BAZ2B: variants seen among roughly 807,000 people sequenced by gnomAD.
BAZ2B encodes the protein bromodomain adjacent to zinc finger domain 2B.
In BAZ2B, 91 loss-of-function variants were observed where a neutral mutation model predicts 246.0. That is an observed-to-expected ratio of 0.37 (90% CI 0.31 to 0.44). The LOEUF is 0.44. BAZ2B is among the 20% of genes least tolerant of loss of function. BAZ2B has a pLI of 1.00. For synonymous variants in BAZ2B, 855 were observed against 860.0 expected, an observed-to-expected ratio of 0.99 and a Z score of 0.10; for missense variants, 2,332 against 2,533.7, an observed-to-expected ratio of 0.92 and a Z score of 1.71.
chr2:159,389,088 T>C (rs1461805923), intron 21 of BAZ2B, among the ~76,000 whole-genome samples: 1 of 138,538 alleles, frequency 7.2e-6, no homozygotes, highest in Non-Finnish European at 1.6e-5. Flanking sequence ...AGACCCTGTC[T>C]GAAAACAACC....
At chr2:159,566,169 G>A (rs1439687550) in intron 1 of BAZ2B, among the ~76,000 whole-genome samples, 3 of 152,010 alleles carry the variant, frequency 2.0e-5, no homozygotes, top group Non-Finnish European at 4.4e-5. Flanking sequence ...GCACCACCAC[G>A]TCTGGCTAAT....
chr2:159,489,965 A>G (rs2080258772), intron 2 of BAZ2B, among the ~76,000 whole-genome samples: 2 of 152,202 alleles, frequency 1.3e-5, no homozygotes, highest in Non-Finnish European at 2.9e-5. Context: ...ACAATTTTCA[A>G]CTATACAGCT....
the BAZ2B span, among the ~76,000 whole-genome samples, chr2:159,678,450 C>T: frequency 6.6e-6 from 1 of 152,130 alleles, no homozygotes; most frequent in Non-Finnish European, 1.5e-5. Flanking sequence ...TTTATTCTAA[C>T]ACCCAGAATT....
intron 1 of BAZ2B, among the ~76,000 whole-genome samples, chr2:159,614,547 C>T (rs1421114827): frequency 1.3e-5 from 2 of 151,476 alleles, no homozygotes; most frequent in South Asian, 4.2e-4. Flanking sequence ...AGCTAATTTT[C>T]AAAAAATCCA....
the BAZ2B span, among the ~76,000 whole-genome samples, chr2:159,645,332 T>C: frequency 6.6e-6 from 1 of 151,926 alleles, no homozygotes; most frequent in South Asian, 2.1e-4. Flanking sequence ...TTGCTTAAAA[T>C]AGTGGTCCCT....
At chr2:159,674,645 G>C in the BAZ2B span, among the ~76,000 whole-genome samples, 1 of 151,616 alleles carries the variant, frequency 6.6e-6, no homozygotes, top group Admixed American at 6.6e-5. Flanking sequence ...GAACCTGGGA[G>C]GCAGAGGTTG....
chr2:159,647,934 AT>A, the BAZ2B span, among the ~76,000 whole-genome samples: 1 of 152,166 alleles, frequency 6.6e-6, no homozygotes, highest in Non-Finnish European at 1.5e-5. Flanking sequence ...GCTGACTGAA[AT>A]TTTTGCATAC....
At chr2:159,346,020 A>C (rs896294179) in intron 31 of BAZ2B, among the ~76,000 whole-genome samples, 6 of 152,354 alleles carry the variant, frequency 3.9e-5, no homozygotes, top group Admixed American at 1.3e-4. Flanking sequence ...TAAATGGAAT[A>C]ATTTTCATTT....
At chr2:159,442,474 T>G (rs1259058959) in intron 6 of BAZ2B, among the ~76,000 whole-genome samples, 1 of 152,218 alleles carries the variant, frequency 6.6e-6, no homozygotes, top group Non-Finnish European at 1.5e-5. Context: ...AGTGATGACA[T>G]TTGATGTATA....
intron 7 of BAZ2B, 139 bp from the exon 8 acceptor site, chr2:159,438,834 G>A (rs1186342716): frequency 1.7e-5 from 22 of 1,266,162 alleles, no homozygotes; most frequent in Admixed American, 9.9e-5. Context: ...CTAAAAATTC[G>A]TAAAAGAAAT....
At chr2:159,670,223 G>A in the BAZ2B span, among the ~76,000 whole-genome samples, 8 of 151,964 alleles carry the variant, frequency 5.3e-5, no homozygotes, top group African/African-American at 7.2e-5. Flanking sequence ...CACCTGCCTC[G>A]GCCTTCCCAA....
At chr2:159,511,488 G>T (rs557625507) in intron 2 of BAZ2B, among the ~76,000 whole-genome samples, 1 of 152,290 alleles carries the variant, frequency 6.6e-6, no homozygotes, top group South Asian at 2.1e-4. Flanking sequence ...CTACAGGCGT[G>T]AGGTGTCGCG....
rs370760889 is a variant in BAZ2B at position 159,428,341 on chromosome 2, C to T, written c.2334G>A (p.Lys778=). 22 of 1,612,898 alleles carry T rather than the reference C, an allele frequency of 1.4e-5. No homozygotes were observed. The highest frequency in any genetic ancestry group is 1.6e-4 in the Middle Eastern group (1 of 6,080). The change falls in exon 12 of 37, where the codon AAG becomes AAA. Residue 778 remains lysine, a synonymous_variant. Transcript: ENST00000392783. The stretch of plus-strand genomic sequence containing the variant: ...TTACTTCAGGGTACTGCCTAAGTTT[C>T]TTTCCACATGGAGCATAATATGCTA... The part of the protein sequence containing the change: ...GEVAYYAPCG[K]KLRQYPEVIK...
At chr2:159,392,739 T>G (rs1030623445) in intron 20 of BAZ2B, among the ~76,000 whole-genome samples, 2 of 152,176 alleles carry the variant, frequency 1.3e-5, no homozygotes, top group Admixed American at 1.3e-4. Flanking sequence ...TAAAAATTAT[T>G]TGAGCATTTA....
intron 1 of BAZ2B, among the ~76,000 whole-genome samples, chr2:159,581,926 G>C (rs1023227371): frequency 9.2e-6 from 1 of 108,906 alleles, no homozygotes; most frequent in Non-Finnish European, 1.7e-5. Context: ...CTGTCGGGTG[G>C]GGGGAGGGGG....
At chr2:159,480,631 A>T (rs902224845) in intron 2 of BAZ2B, among the ~76,000 whole-genome samples, 1 of 152,070 alleles carries the variant, frequency 6.6e-6, no homozygotes, top group Non-Finnish European at 1.5e-5. Context: ...GTAAAGTGAT[A>T]TATACAACGT....
chr2:159,507,299 T>C (rs2151154888), intron 2 of BAZ2B, among the ~76,000 whole-genome samples: 1 of 152,208 alleles, frequency 6.6e-6, no homozygotes, highest in Non-Finnish European at 1.5e-5. Context: ...AAAAGTTTAT[T>C]AGGCAACAGA....
At chr2:159,370,870 C>T (rs2060775438) in intron 27 of BAZ2B, among the ~76,000 whole-genome samples, 1 of 151,822 alleles carries the variant, frequency 6.6e-6, no homozygotes, top group Non-Finnish European at 1.5e-5. Flanking sequence ...GGCACGATCT[C>T]GGCTCACTGC....
intron 1 of BAZ2B, among the ~76,000 whole-genome samples, chr2:159,587,081 C>G (rs1331560166): frequency 1.4e-5 from 2 of 144,018 alleles, no homozygotes; most frequent in Non-Finnish European, 3.1e-5. Flanking sequence ...TCACCTGCAA[C>G]TTTTTTTTTT....
Sources: gnomAD v4.1 joint callset for allele counts (sites outside exome capture counted in the v4.1 genomes callset) on GRCh38, gnomAD v4.1.1 for gene constraint, MANE v1.5 for transcripts, NCBI Gene and HGNC (gene_info 2026-07-23, HGNC 2026-07-21) for gene names.